The following TBC1D1 variants were observed in gnomAD, a reference collection of about 807,000 sequenced individuals.
TBC1D1 encodes TBC1 (tre-2/USP6, BUB2, cdc16) domain family, member 1.
A neutral mutation model predicts 125.6 loss-of-function variants in TBC1D1; 89 were observed. The observed-to-expected ratio is 0.71, with a 90% confidence interval of 0.60 to 0.85. The LOEUF (loss-of-function observed/expected upper bound fraction) is 0.85. Ranked by LOEUF, TBC1D1 falls within the 40% of genes least tolerant of loss-of-function variation. The pLI is 0.00. For missense variants in TBC1D1, 1,377 were observed against 1,469.2 expected (o/e 0.94, Z 1.03); for synonymous variants, 565 against 564.1 (o/e 1.00, Z -0.02).
intron 9 of TBC1D1, among the ~76,000 whole-genome samples, chr4:38,044,739 A>T (rs1749074334): frequency 1.3e-5 from 2 of 152,206 alleles, no homozygotes; most frequent in South Asian, 4.1e-4. Flanking sequence ...GCTCCAAAGA[A>T]TATTTGTTAG....
At chr4:37,989,589 A>G (rs1180473595) in intron 2 of TBC1D1, among the ~76,000 whole-genome samples, 2 of 152,252 alleles carry the variant, frequency 1.3e-5, no homozygotes, top group Non-Finnish European at 2.9e-5. Context: ...TTTTGCTGAC[A>G]CTAATATTTA....
At chr4:37,910,413 A>G (rs945258375) in intron 2 of TBC1D1, among the ~76,000 whole-genome samples, 2 of 152,268 alleles carry the variant, frequency 1.3e-5, no homozygotes, top group South Asian at 2.1e-4. Flanking sequence ...AAAAATATGT[A>G]AAAATCTCAA....
chr4:38,053,341 C>A, intron 11 of TBC1D1, 116 bp downstream of exon 13: 1 of 887,426 alleles, frequency 1.1e-6, no homozygotes, highest in Non-Finnish European at 1.5e-6. Context: ...TCAGCTAAAT[C>A]TGTTGTATCT....
At chr4:37,925,205 G>A (rs1038961945) in intron 2 of TBC1D1, among the ~76,000 whole-genome samples, 2 of 152,148 alleles carry the variant, frequency 1.3e-5, no homozygotes, top group Admixed American at 6.5e-5. Flanking sequence ...AAGAAAGTGC[G>A]ATCACCCTGT....
intron 12 of TBC1D1, among the ~76,000 whole-genome samples, chr4:38,065,596 G>A (rs373684525): frequency 2.0e-5 from 3 of 148,362 alleles, no homozygotes; most frequent in Admixed American, 6.7e-5. Context: ...TAAGCATTTT[G>A]TGTTTTTCAC....
intron 12 of TBC1D1, chr4:38,060,612 T>G: frequency 1.6e-6 from 2 of 1,288,764 alleles, no homozygotes; most frequent in Non-Finnish European, 2.0e-6. Context: ...GCCTTCTCTC[T>G]TTTTCAGAAC....
intron 2 of TBC1D1, chr4:37,951,892 T>C (rs1241120904): frequency 2.9e-6 from 2 of 694,856 alleles, no homozygotes; most frequent in East Asian, 5.4e-5. Context: ...TGACATGGAG[T>C]TCAGGTGATA....
chr4:38,007,264 A>AT, intron 2 of TBC1D1, among the ~76,000 whole-genome samples: 1 of 151,568 alleles, frequency 6.6e-6, no homozygotes, highest in African/African-American at 2.4e-5. Flanking sequence ...TATTATTATT[A>AT]TTTTTTGAGA....
chr4:37,999,830 C>T (rs13114113), intron 2 of TBC1D1, among the ~76,000 whole-genome samples: 53,008 of 152,022 alleles, frequency 0.35, 9,403 homozygotes, highest in African/African-American at 0.39. Flanking sequence ...AGTGATAATA[C>T]CAAGTTGACA....
intron 12 of TBC1D1, among the ~76,000 whole-genome samples, chr4:38,066,633 C>T (rs1753775412): frequency 6.6e-6 from 1 of 151,922 alleles, no homozygotes; most frequent in Admixed American, 6.6e-5. Context: ...CGCCAGGCCT[C>T]CATGTATTTG....
chr4:38,110,304 A>G (rs1761995784), intron 15 of TBC1D1: 3 of 982,480 alleles, frequency 3.1e-6, no homozygotes, highest in Non-Finnish European at 3.6e-6. Context: ...CCCTGAGGTC[A>G]CCATTCTTGA....
intron 12 of TBC1D1, among the ~76,000 whole-genome samples, chr4:38,065,461 C>G (rs1220204545): frequency 1.3e-5 from 2 of 152,178 alleles, no homozygotes; most frequent in Non-Finnish European, 2.9e-5. Context: ...GATTAATAAA[C>G]AGCACATTGA....
intron 2 of TBC1D1, among the ~76,000 whole-genome samples, chr4:37,982,377 A>G (rs1157444455): frequency 1.3e-5 from 2 of 152,148 alleles, no homozygotes; most frequent in South Asian, 2.1e-4. Context: ...TTTCTTCTGT[A>G]GACTCATACT....
chr4:38,001,223 A>AAAGAAAG (rs1739016550), intron 2 of TBC1D1, among the ~76,000 whole-genome samples: 1 of 149,956 alleles, frequency 6.7e-6, no homozygotes, highest in African/African-American at 2.5e-5. Flanking sequence ...CCGTCTCAAA[A>AAAGAAAG]AAAGAAAGAA....
At position 37,995,856 on chromosome 4, in the gene TBC1D1, A is replaced by G. The variant is rs1737691207; in HGVS notation, c.418-18653A>G. ...GTGCTGGATCCATGTGATCACCAGA[A>G]TGCATTTCTCTTTGAGAATCCAGAC... is the stretch of plus-strand genomic sequence containing the variant. On this transcript the variant is annotated intron_variant, in intron 2 of 19. Coordinates refer to ENST00000261439, the MANE Select transcript of TBC1D1 (RefSeq NM_015173.4). This position sits in a 1 kb window ranked among gnomAD's most constrained non-coding sequence, Gnocchi z 4.3. The G allele has an allele frequency of 5.2e-6, 3 of 577,874 alleles. No individual in the cohort carries two copies. Among genetic ancestry groups the G allele is most frequent in the African/African-American group, 3.7e-5 (2 of 53,476 alleles). 35.8% of individuals were successfully genotyped at this position (577,874 alleles called of 1,614,324 possible).
chr4:38,094,994 T>C (rs1284223419), intron 13 of TBC1D1, among the ~76,000 whole-genome samples: 1 of 152,118 alleles, frequency 6.6e-6, no homozygotes, highest in Non-Finnish European at 1.5e-5. Flanking sequence ...TTCATTGCAG[T>C]TCTAAAATCT....
chr4:38,119,969 C>T (rs1442187496), intron 17 of TBC1D1: 30 of 985,196 alleles, frequency 3.0e-5, no homozygotes, highest in African/African-American at 3.5e-5. Flanking sequence ...ATTTTTCCTT[C>T]GGCTCATAAA....
intron 12 of TBC1D1, among the ~76,000 whole-genome samples, chr4:38,062,317 T>C (rs1296937311): frequency 6.6e-6 from 1 of 152,050 alleles, no homozygotes; most frequent in African/African-American, 2.4e-5. Context: ...TGCTATAATA[T>C]TTATATTCCT....
chr4:37,976,976 G>A (rs1733217023), intron 2 of TBC1D1, among the ~76,000 whole-genome samples: 1 of 152,200 alleles, frequency 6.6e-6, no homozygotes, highest in Admixed American at 6.5e-5. Context: ...AGCCCTGGGG[G>A]TGGGGGTCAC....
Sources: allele counts gnomAD v4.1 joint callset (sites outside exome capture counted in the v4.1 genomes callset), GRCh38; gene constraint gnomAD v4.1.1; non-coding constraint Gnocchi (gnomAD v3.1); transcripts MANE v1.5; gene names NCBI Gene and HGNC (gene_info 2026-07-23, HGNC 2026-07-21).